Variants in RYR2 observed in about 807,000 individuals in gnomAD.
RYR2 encodes cardiac muscle ryanodine receptor-calcium release channel.
In RYR2, 227 loss-of-function variants were observed where a neutral mutation model predicts 601.1. The ratio of observed to expected loss-of-function variants is 0.38; its 90% CI spans 0.34 to 0.42. The LOEUF (loss-of-function observed/expected upper bound fraction) is 0.42, where lower values mean the gene tolerates loss of function less well. Among genes scored for constraint, RYR2 ranks in the 10% least tolerant of loss-of-function variants. RYR2 has a pLI of 1.00. For missense variants in RYR2, 4,646 were observed against 6,156.5 expected (o/e 0.75, Z 8.21); for synonymous variants, 2,223 against 2,175.1 (o/e 1.02, Z -0.61).
chr1:237,292,128 G>A (rs1658034392), intron 2 of RYR2, among the ~76,000 whole-genome samples: 1 of 152,150 alleles, frequency 6.6e-6, no homozygotes, highest in African/African-American at 2.4e-5. Context: ...CAACCAACAA[G>A]AGATCCCTAA....
At chr1:237,411,681 A>G (rs925423951) in intron 10 of RYR2, among the ~76,000 whole-genome samples, 1 of 152,134 alleles carries the variant, frequency 6.6e-6, no homozygotes, top group Non-Finnish European at 1.5e-5. Context: ...AATTATTCCC[A>G]TTTTACATAT....
At chr1:237,485,526 A>G (rs1267262120) in intron 17 of RYR2, among the ~76,000 whole-genome samples, 3 of 152,226 alleles carry the variant, frequency 2.0e-5, no homozygotes, top group African/African-American at 7.2e-5. Context: ...AAGACTCACC[A>G]AATGAGGTAA....
chr1:237,687,704 T>C (rs1285269533), intron 63 of RYR2, among the ~76,000 whole-genome samples, 200 bp downstream of exon 63: 2 of 152,170 alleles, frequency 1.3e-5, no homozygotes, highest in Non-Finnish European at 2.9e-5. Flanking sequence ...CTATCTTTTT[T>C]ACACTAGTCC....
intron 2 of RYR2, among the ~76,000 whole-genome samples, chr1:237,322,490 G>A (rs1695714924): frequency 6.6e-6 from 1 of 152,062 alleles, no homozygotes; most frequent in African/African-American, 2.4e-5. Flanking sequence ...AGTTGACCTG[G>A]TTACTGTAAA....
chr1:237,158,777 T>C (rs1017941201), intron 1 of RYR2, among the ~76,000 whole-genome samples: 1 of 152,220 alleles, frequency 6.6e-6, no homozygotes. Context: ...GAAGGAATGA[T>C]TGCCGAATGA....
intron 79 of RYR2, among the ~76,000 whole-genome samples, chr1:237,739,990 C>T (rs1167718259): frequency 6.6e-6 from 1 of 152,162 alleles, no homozygotes; most frequent in Non-Finnish European, 1.5e-5. Context: ...TCCACACCTG[C>T]CCCTTTATGT....
intron 98 of RYR2, among the ~76,000 whole-genome samples, chr1:237,802,678 C>G (rs372666065): frequency 5.3e-5 from 8 of 152,230 alleles, no homozygotes; most frequent in African/African-American, 1.7e-4. Context: ...GGGAGCAACT[C>G]CCCTGAATAA....
intron 98 of RYR2, among the ~76,000 whole-genome samples, chr1:237,802,807 TTGCCCAGATGCAGCTTC>T (rs1201091755): frequency 5.9e-5 from 9 of 152,244 alleles, no homozygotes; most frequent in Non-Finnish European, 8.8e-5. Flanking sequence ...TAGCCCACTT[TTGCCCAGATGCAGCTTC>T]TGCCCAGATG....
intron 95 of RYR2, among the ~76,000 whole-genome samples, chr1:237,794,879 G>A (rs957220798): frequency 2.0e-5 from 3 of 152,202 alleles, no homozygotes; most frequent in Admixed American, 6.5e-5. Context: ...TGCTATGCTC[G>A]AAGTTTCTGT....
At chr1:237,698,444 C>T (rs558485751) in intron 63 of RYR2, among the ~76,000 whole-genome samples, 2 of 151,642 alleles carry the variant, frequency 1.3e-5, no homozygotes, top group East Asian at 3.9e-4. Context: ...TGGTTTTTGC[C>T]AAAGACCAAT....
intron 29 of RYR2, among the ~76,000 whole-genome samples, chr1:237,583,448 A>G (rs1036982008): frequency 1.3e-5 from 2 of 151,878 alleles, no homozygotes; most frequent in Admixed American, 1.3e-4. Context: ...TAGACAAATG[A>G]CTTAACATCT....
At chr1:237,456,396 C>A (rs925337234) in intron 15 of RYR2, among the ~76,000 whole-genome samples, 3 of 152,160 alleles carry the variant, frequency 2.0e-5, no homozygotes, top group African/African-American at 7.2e-5. Context: ...AATTTAAAAT[C>A]TGCTTGAACT....
At chr1:237,649,376 C>A (rs490057) in intron 49 of RYR2, among the ~76,000 whole-genome samples, 75,112 of 151,900 alleles carry the variant, frequency 0.49, 19,017 homozygotes, top group East Asian at 0.82. Flanking sequence ...ATTCACCTGA[C>A]GTTGTGGACC....
intron 29 of RYR2, among the ~76,000 whole-genome samples, chr1:237,585,543 A>G (rs182548709): frequency 1.8e-3 from 271 of 151,748 alleles, no homozygotes; most frequent in Non-Finnish European, 2.8e-3. Flanking sequence ...GTTTTTCTCC[A>G]CTCTGTCTTC....
At chr1:237,595,345 C>T (rs574948079) in intron 33 of RYR2, among the ~76,000 whole-genome samples, 153 bp from the exon 34 acceptor site, 1 of 152,246 alleles carries the variant, frequency 6.6e-6, no homozygotes, top group South Asian at 2.1e-4. Flanking sequence ...TGGAGTTTTG[C>T]TCAGAATCAC....
chr1:237,517,354 A>G (rs147743647), intron 24 of RYR2, among the ~76,000 whole-genome samples: 1 of 152,308 alleles, frequency 6.6e-6, no homozygotes, highest in East Asian at 1.9e-4. Flanking sequence ...AATTTGTAAT[A>G]TCACTTTCTG....
intron 10 of RYR2, among the ~76,000 whole-genome samples, chr1:237,398,563 T>C (rs551394639): frequency 6.6e-6 from 1 of 152,318 alleles, no homozygotes; most frequent in African/African-American, 2.4e-5. Context: ...GAGATAACAC[T>C]GTATGCTTAT....
intron 1 of RYR2, among the ~76,000 whole-genome samples, chr1:237,169,308 C>CT (rs869104559): frequency 3.5e-4 from 21 of 60,056 alleles, no homozygotes; most frequent in African/African-American, 8.5e-4. Context: ...TCTTCTTCTT[C>CT]TTTTTTTTTG....
intron 101 of RYR2, among the ~76,000 whole-genome samples, chr1:237,827,690 G>A (rs1402155562): frequency 6.7e-6 from 1 of 148,590 alleles, no homozygotes; most frequent in Non-Finnish European, 1.5e-5. Flanking sequence ...TGTAATCCCA[G>A]CACTTTGGGA....
Sources: allele counts gnomAD v4.1 joint callset (sites outside exome capture counted in the v4.1 genomes callset), GRCh38; gene constraint gnomAD v4.1.1; transcripts MANE v1.5; gene names NCBI Gene and HGNC (gene_info 2026-07-23, HGNC 2026-07-21).